The following NXPH2 variants were observed in gnomAD, a reference collection of about 807,000 sequenced individuals.
NXPH2 encodes the protein neurexophilin 2, also known as neurexophilin-2.
Under a neutral mutation model 19.8 loss-of-function variants are expected in NXPH2, and 5 were observed. The observed-to-expected ratio is 0.25, with a 90% CI of 0.13 to 0.53. The LOEUF is 0.53. NXPH2 is among the 20% of genes least tolerant of loss of function. NXPH2 has a pLI of 0.96. For missense variants in NXPH2, 289 were observed against 322.8 expected, an observed-to-expected ratio of 0.90 and a Z score of 0.80; for synonymous variants, 154 against 127.4, an observed-to-expected ratio of 1.21 and a Z score of -1.41.
At chr2:138,767,232 T>C (rs1426858621) in intron 1 of NXPH2, among the ~76,000 whole-genome samples, 1 of 152,222 alleles carries the variant, frequency 6.6e-6, no homozygotes, top group Non-Finnish European at 1.5e-5. Context: ...AACCCTTCAG[T>C]GGAACCCCCT....
At chr2:138,683,154 A>G (rs1208591572) in intron 1 of NXPH2, among the ~76,000 whole-genome samples, 4 of 152,176 alleles carry the variant, frequency 2.6e-5, no homozygotes, top group Non-Finnish European at 5.9e-5. Context: ...TGCGAAGTCA[A>G]ACAAGGTATT....
At chr2:138,686,558 T>C (rs927836218) in intron 1 of NXPH2, among the ~76,000 whole-genome samples, 1 of 148,340 alleles carries the variant, frequency 6.7e-6, no homozygotes, top group Admixed American at 6.7e-5. Flanking sequence ...TTTTATTTTA[T>C]TTTTTTATTA....
At chr2:138,682,039 A>T (rs1680587108) in intron 1 of NXPH2, among the ~76,000 whole-genome samples, 1 of 152,190 alleles carries the variant, frequency 6.6e-6, no homozygotes, top group South Asian at 2.1e-4. Context: ...GCCTCATTTG[A>T]GTTGCTTACA....
chr2:138,671,709 G>C, intron 1 of NXPH2, 44 bp from the exon 2 acceptor site: 1 of 1,505,322 alleles, frequency 6.6e-7, no homozygotes, highest in Non-Finnish European at 8.9e-7. Context: ...GGTTAGTGCC[G>C]TGACTGCGCA....
At chr2:138,750,966 G>A (rs1681820261) in intron 1 of NXPH2, among the ~76,000 whole-genome samples, 1 of 151,996 alleles carries the variant, frequency 6.6e-6, no homozygotes, top group African/African-American at 2.4e-5. Flanking sequence ...AAGTCATCTA[G>A]GCCTTCTCTT....
intron 1 of NXPH2, among the ~76,000 whole-genome samples, chr2:138,754,790 A>C (rs1681881110): frequency 1.3e-5 from 2 of 152,146 alleles, no homozygotes; most frequent in Non-Finnish European, 2.9e-5. Flanking sequence ...ATTACAGTCA[A>C]GCTACATCCC....
At chr2:138,758,752 T>C (rs1460148280) in intron 1 of NXPH2, among the ~76,000 whole-genome samples, 1 of 152,234 alleles carries the variant, frequency 6.6e-6, no homozygotes, top group African/African-American at 2.4e-5. Context: ...TGGAGAAATC[T>C]GATGTCATCA....
At chr2:138,702,969 T>A (rs1680952884) in intron 1 of NXPH2, among the ~76,000 whole-genome samples, 1 of 152,174 alleles carries the variant, frequency 6.6e-6, no homozygotes, top group African/African-American at 2.4e-5. Flanking sequence ...AATCAAAGGA[T>A]GTTCTATTGA....
chr2:138,770,912 A>G (rs1682165723), intron 1 of NXPH2, among the ~76,000 whole-genome samples: 1 of 152,140 alleles, frequency 6.6e-6, no homozygotes, highest in African/African-American at 2.4e-5. Flanking sequence ...TATATACCTG[A>G]TAAGTAATAC....
At chr2:138,721,944 T>C (rs1161746763) in intron 1 of NXPH2, among the ~76,000 whole-genome samples, 1 of 152,234 alleles carries the variant, frequency 6.6e-6, no homozygotes, top group Non-Finnish European at 1.5e-5. Context: ...GGCGGGAGCA[T>C]GGCTATTTTT....
chr2:138,737,335 T>C (rs1681565890), intron 1 of NXPH2, among the ~76,000 whole-genome samples: 1 of 152,186 alleles, frequency 6.6e-6, no homozygotes, highest in Admixed American at 6.5e-5. Context: ...CTTACATGGA[T>C]GGCAGCGGGC....
chr2:138,703,247 T>G (rs1339628712), intron 1 of NXPH2, among the ~76,000 whole-genome samples: 2 of 152,172 alleles, frequency 1.3e-5, no homozygotes, highest in Admixed American at 6.6e-5. Context: ...TAATATTTAA[T>G]GCTTCAGAGA....
chr2:138,767,572 C>T (rs1424224142), intron 1 of NXPH2, among the ~76,000 whole-genome samples: 6 of 151,084 alleles, frequency 4.0e-5, no homozygotes, highest in African/African-American at 1.5e-4. Flanking sequence ...TATTTTTTTC[C>T]TCTTCTGTCC....
chr2:138,711,145 C>CTTTTTTTTTTTTTTTTTTTTTTTTTT (rs397766605), intron 1 of NXPH2, among the ~76,000 whole-genome samples: 2 of 91,090 alleles, frequency 2.2e-5, no homozygotes, highest in Non-Finnish European at 4.0e-5. Flanking sequence ...ATTTCTATCA[C>CTTTTTTTTTTTTTTTTTTTTTTTTTT]TTTTTTTTTT....
chr2:138,757,773 GTGTGTATGTA>G (rs1260299075), intron 1 of NXPH2, among the ~76,000 whole-genome samples: 1 of 151,024 alleles, frequency 6.6e-6, no homozygotes, highest in Non-Finnish European at 1.5e-5. Flanking sequence ...GTGTGTGCAT[GTGTGTATGTA>G]TGTGTATGTA....
intron 1 of NXPH2, among the ~76,000 whole-genome samples, chr2:138,688,740 T>G (rs1680700798): frequency 6.6e-6 from 1 of 152,194 alleles, no homozygotes. Context: ...AGATGATCAT[T>G]GCAGTCATAT....
intron 1 of NXPH2, among the ~76,000 whole-genome samples, chr2:138,738,432 A>T (rs1246065670): frequency 6.6e-6 from 1 of 152,128 alleles, no homozygotes; most frequent in Non-Finnish European, 1.5e-5. Context: ...ATCTCCCCTT[A>T]TTGTGTGCAA....
At chr2:138,778,784 T>C (rs1371223690) in intron 1 of NXPH2, among the ~76,000 whole-genome samples, 1 of 152,258 alleles carries the variant, frequency 6.6e-6, no homozygotes, top group Non-Finnish European at 1.5e-5. Context: ...TTTGGATTCA[T>C]AATGCCTAAG....
intron 1 of NXPH2, among the ~76,000 whole-genome samples, chr2:138,677,684 A>G (rs1680504470): frequency 6.6e-6 from 1 of 152,228 alleles, no homozygotes; most frequent in Admixed American, 6.5e-5. Flanking sequence ...GCTGCAATGA[A>G]TTTTATAGTA....
Sources: allele counts gnomAD v4.1 joint callset (sites outside exome capture counted in the v4.1 genomes callset), GRCh38; gene constraint gnomAD v4.1.1; transcripts MANE v1.5; gene names NCBI Gene and HGNC (gene_info 2026-07-23, HGNC 2026-07-21).